The following SLC6A3 variants were observed in gnomAD, a reference collection of about 807,000 sequenced individuals.
SLC6A3 encodes sodium-dependent dopamine transporter.
In SLC6A3, 19 loss-of-function variants were observed where a neutral mutation model predicts 70.4. That is an observed-to-expected ratio of 0.27 (90% confidence interval 0.19 to 0.40). SLC6A3 has a LOEUF of 0.40. Ranked by LOEUF, SLC6A3 falls within the 10% of genes least tolerant of loss-of-function variation. SLC6A3 has a pLI of 1.00. For synonymous variants in SLC6A3, 368 were observed against 356.6 expected, an observed-to-expected ratio of 1.03 and a Z score of -0.36; for missense variants, 613 against 838.5, an observed-to-expected ratio of 0.73 and a Z score of 3.32.
At chr5:1,430,431 C>G (rs184426967) in intron 4 of SLC6A3, among the ~76,000 whole-genome samples, 9 of 152,200 alleles carry the variant, frequency 5.9e-5, no homozygotes, top group Admixed American at 1.3e-4. Context: ...CTTCCATGCC[C>G]GAGGAGGAAT....
Position 1,437,834 on chromosome 5 carries a change from A to G in SLC6A3, c.418+3525T>C, listed in dbSNP as rs1293230852. 6.6e-6 allele frequency among the ~76,000 whole-genome samples: 1 copy of G among 152,246 alleles called. No homozygotes were observed. The highest frequency in any genetic ancestry group is 2.4e-5 in the African/African-American group (1 of 41,464). On this transcript the variant is annotated intron_variant, in intron 3 of 14. Transcript: ENST00000270349. This position sits in a 1 kb window ranked among gnomAD's most constrained non-coding sequence, Gnocchi z 4.8. ...GGCTGGATGGCCTTTTAGCTCCACAATGATTGTTGTGGGCACTTTAGCTGA... is the reference window on the plus strand; with the variant it reads ...GGCTGGATGGCCTTTTAGCTCCACAGTGATTGTTGTGGGCACTTTAGCTGA...
intron 9 of SLC6A3, 145 bp from the exon 10 acceptor site, chr5:1,409,994 C>T: frequency 9.6e-7 from 1 of 1,036,530 alleles, no homozygotes; most frequent in South Asian, 1.4e-5. Flanking sequence ...TGCAGGATGC[C>T]TGGTAGTGAG....
intron 11 of SLC6A3, among the ~76,000 whole-genome samples, chr5:1,407,353 G>C (rs1444102475): frequency 1.3e-5 from 2 of 151,250 alleles, no homozygotes; most frequent in African/African-American, 4.9e-5. Flanking sequence ...GGAGGCAGCG[G>C]GGATGCAGAG....
Position 1,422,535 on chromosome 5 carries a change from C to A in SLC6A3, c.654-521G>T, listed in dbSNP as rs758727750. Among the ~76,000 whole-genome samples, 431 of 145,128 alleles carry A rather than the reference C, an allele frequency of 3.0e-3. 8 individuals carry two copies. In the Middle Eastern group the frequency reaches 0.036, roughly 12 times the overall value. ...GCCCACCGCTGCCCACAGTGCTGCC[C>A]ACGCTGCTGGGTGCCCACCGCTGCC... On this transcript the variant is annotated intron_variant, in intron 4 of 14. Transcript: ENST00000270349.
chr5:1,421,002 G>C lies in SLC6A3; in HGVS notation c.793-299C>G, dbSNP rs962405920. On this transcript the variant is annotated intron_variant, in intron 5 of 14. Coordinates refer to ENST00000270349, the MANE Select transcript of SLC6A3 (RefSeq NM_001044.5). This position sits in a 1 kb window ranked among gnomAD's most constrained non-coding sequence, Gnocchi z 7.2. Reference sequence around the variant, plus strand: ...TGGGAGTGGCTGATGGGGGTTTTCTGATGCGTGGGACGTGAGTGGATTCAC... The same window carrying C: ...TGGGAGTGGCTGATGGGGGTTTTCTCATGCGTGGGACGTGAGTGGATTCAC... 1.3e-5 allele frequency among the ~76,000 whole-genome samples: 2 copies of C among 152,224 alleles called. No individual in the cohort carries two copies. The highest frequency in any genetic ancestry group is 2.4e-5 in the African/African-American group (1 of 41,458).
intron 1 of SLC6A3, among the ~76,000 whole-genome samples, chr5:1,444,239 C>A (rs967871396): frequency 6.6e-6 from 1 of 152,154 alleles, no homozygotes; most frequent in Non-Finnish European, 1.5e-5. Flanking sequence ...GTCCAAACGG[C>A]TACATAAACC....
chr5:1,412,256 C>T (rs1756147563), intron 8 of SLC6A3, among the ~76,000 whole-genome samples: 1 of 152,210 alleles, frequency 6.6e-6, no homozygotes, highest in Non-Finnish European at 1.5e-5. Context: ...GAGTGTGTGG[C>T]TCCTTCACCA....
rs540953806 is a variant in SLC6A3 at position 1,404,903 on chromosome 5, C to A, written c.1599+1285G>T. On this transcript the variant is annotated intron_variant, in intron 12 of 14. Coordinates refer to ENST00000270349, the MANE Select transcript of SLC6A3 (RefSeq NM_001044.5). This position sits in a 1 kb window ranked among gnomAD's most constrained non-coding sequence, Gnocchi z 5.2. ...AGTAGAACATTTTATCTCCTAAGAT[C>A]GAGGTCAGCCCTCTGGGTGTTAAGA... Among the ~76,000 whole-genome samples, 5 of 152,328 alleles carry A rather than the reference C, an allele frequency of 3.3e-5. No homozygotes were observed. The South Asian group carries it at 1.0e-3, about 32-fold the overall frequency.
rs1048643637 is a variant in SLC6A3, at chr5:1,415,961, T to C, written c.1031+137A>G. The stretch of plus-strand genomic sequence containing the variant: ...GAGCTGCCTCGCTGTCGCTTCTGTC[T>C]GAAAGGCCACGCAGCTCACAGGTTT... On this transcript the variant is annotated intron_variant, in intron 7 of 14. Coordinates refer to ENST00000270349, the MANE Select transcript of SLC6A3 (RefSeq NM_001044.5). The C allele has an allele frequency of 1.1e-5, 8 of 719,718 alleles. No homozygotes were observed. The African/African-American group carries it at 1.4e-4, about 13-fold the overall frequency. 44.6% of individuals were successfully genotyped at this position (719,718 alleles called of 1,614,324 possible).
In SLC6A3 at chr5:1,396,837, A is replaced by C. The variant is rs1755733162; in HGVS notation, c.1840-2079T>G. Among the ~76,000 whole-genome samples, 1 of 152,228 alleles carries C rather than the reference A, an allele frequency of 6.6e-6. No homozygotes were observed. The highest frequency in any genetic ancestry group is 2.4e-5 in the African/African-American group (1 of 41,456). ...GGGCTACACCAAATGCTGAAGCCAA[A>C]TAATACACTTTTTAGGAAGCTAGAA... On this transcript the variant is annotated intron_variant, in intron 14 of 14. Coordinates refer to ENST00000270349, the MANE Select transcript of SLC6A3 (RefSeq NM_001044.5). The surrounding 1 kb of genome is among the most constrained non-coding windows in gnomAD (Gnocchi z 7.0).
At chr5:1,415,968 C>A in intron 7 of SLC6A3, 130 bp downstream of exon 7, 1 of 732,820 alleles carries the variant, frequency 1.4e-6, no homozygotes, top group South Asian at 1.5e-5. Context: ...GTCTGAAAGG[C>A]CACGCAGCTC....
Position 1,436,975 on chromosome 5 carries a change from G to A in SLC6A3, c.419-4277C>T, listed in dbSNP as rs1756850660. ...TTGGAAGAAAGACGGGAGAGGGCCG[G>A]GCACGGTGGCTCACTCCTGTAATCC... is the stretch of plus-strand genomic sequence containing the variant. On this transcript the variant is annotated intron_variant, in intron 3 of 14. Coordinates refer to ENST00000270349, the MANE Select transcript of SLC6A3 (RefSeq NM_001044.5). The surrounding 1 kb of genome is among the most constrained non-coding windows in gnomAD (Gnocchi z 5.2). 6.6e-6 allele frequency among the ~76,000 whole-genome samples: 1 copy of A among 152,226 alleles called. No individual in the cohort carries two copies. Among genetic ancestry groups the A allele is most frequent in the South Asian group, 2.1e-4 (1 of 4,834 alleles).
At position 1,401,160 on chromosome 5, in the gene SLC6A3, A is replaced by G. The variant is rs1430148917; in HGVS notation, c.1768-174T>C. ...TCACCAGCGCCCACCACTGACTTAC[A>G]CTGCCAGTGCCCATGCCGACCAGAC... On this transcript the variant is annotated intron_variant, in intron 13 of 14. Transcript: ENST00000270349. The surrounding 1 kb of genome is among the most constrained non-coding windows in gnomAD (Gnocchi z 6.1). 3 of 703,330 alleles carry G rather than the reference A, an allele frequency of 4.3e-6. No individual in the cohort carries two copies. The Admixed American group carries it at 6.0e-5, about 14-fold the overall frequency. The allele number at this position is 703,330 out of a possible 1,614,324, so 43.6% of individuals were successfully genotyped here.
chr5:1,434,034 G>A (rs780171522), intron 3 of SLC6A3, among the ~76,000 whole-genome samples: 24 of 152,264 alleles, frequency 1.6e-4, no homozygotes, highest in Non-Finnish European at 2.9e-4. Context: ...GCCATCCAGA[G>A]CCATCCATAG....
At position 1,402,290 on chromosome 5, in the gene SLC6A3, G is replaced by C. The variant is rs28363138; in HGVS notation, c.1767+632C>G. On this transcript the variant is annotated intron_variant, in intron 13 of 14. Transcript: ENST00000270349. This position sits in a 1 kb window ranked among gnomAD's most constrained non-coding sequence, Gnocchi z 8.5. Reference sequence around the variant, plus strand: ...ACCACAGAGCCAGGGTGTTAAACAGGGCCCTGTGACTGGTCCACCTGCCTT... The same window carrying C: ...ACCACAGAGCCAGGGTGTTAAACAGCGCCCTGTGACTGGTCCACCTGCCTT... Among the ~76,000 whole-genome samples, 4,236 of 151,684 alleles carry C rather than the reference G, an allele frequency of 0.028. 151 individuals carry two copies. Among genetic ancestry groups the C allele is most frequent in the African/African-American group, 0.083 (3,422 of 41,288 alleles).
rs768167406 is a variant in SLC6A3 at position 1,404,271 on chromosome 5, G to A, written c.1600-1182C>T. Among the ~76,000 whole-genome samples, 11 of 152,234 alleles carry A rather than the reference G, an allele frequency of 7.2e-5. No individual in the cohort carries two copies. Among genetic ancestry groups the A allele is most frequent in the Non-Finnish European group, 1.3e-4 (9 of 68,036 alleles). ...TGTCACGTGACCAGAGCCAGGGTGA[G>A]CAGCACTTTGGCGAGCAAAGCCAGT... On this transcript the variant is annotated intron_variant, in intron 12 of 14. Coordinates refer to ENST00000270349, the MANE Select transcript of SLC6A3 (RefSeq NM_001044.5). The surrounding 1 kb of genome is among the most constrained non-coding windows in gnomAD (Gnocchi z 5.2).
chr5:1,439,291 A>T (rs906460826), intron 3 of SLC6A3, among the ~76,000 whole-genome samples: 22 of 115,844 alleles, frequency 1.9e-4, no homozygotes, highest in Non-Finnish European at 3.1e-4. Flanking sequence ...TGCCCAAAGC[A>T]TCTGTCTCTC....
chr5:1,418,867 C>G (rs2126364230), intron 6 of SLC6A3, among the ~76,000 whole-genome samples: 1 of 150,490 alleles, frequency 6.6e-6, no homozygotes, highest in East Asian at 2.0e-4. Flanking sequence ...ATTATCCATC[C>G]ATCCATCCAT....
intron 8 of SLC6A3, 92 bp downstream of exon 8, chr5:1,414,583 GCTCAGGGCCCATGCGT>G: frequency 7.6e-7 from 1 of 1,317,120 alleles, no homozygotes. Flanking sequence ...CACTGAAGTC[GCTCAGGGCCCATGCGT>G]CTCCTTCCTC....
Sources: allele counts gnomAD v4.1 joint callset (sites outside exome capture counted in the v4.1 genomes callset), GRCh38; gene constraint gnomAD v4.1.1; non-coding constraint Gnocchi (gnomAD v3.1); transcripts MANE v1.5; gene names NCBI Gene and HGNC (gene_info 2026-07-23, HGNC 2026-07-21).